The following CCDC68 variants were observed in gnomAD, a reference collection of about 807,000 sequenced individuals.
CCDC68 encodes coiled-coil domain-containing protein 68.
A neutral mutation model predicts 47.1 loss-of-function variants in CCDC68; 45 were observed. That is an observed-to-expected ratio of 0.96 (90% CI 0.75 to 1.23). The LOEUF (loss-of-function observed/expected upper bound fraction) is 1.23, where lower values mean the gene tolerates loss of function less well. Ranked by LOEUF, CCDC68 falls within the 50% of genes most tolerant of loss-of-function variation. The probability of loss-of-function intolerance (pLI) is 0.00; values close to 1 mark genes in which losing one functional copy is unlikely to be tolerated. For missense variants in CCDC68, 353 were observed against 373.6 expected, an observed-to-expected ratio of 0.94 and a Z score of 0.45; for synonymous variants, 131 against 129.5, an observed-to-expected ratio of 1.01 and a Z score of -0.08.
chr18:54,930,018 C>T (rs1296122470), intron 7 of CCDC68, among the ~76,000 whole-genome samples: 2 of 152,092 alleles, frequency 1.3e-5, no homozygotes, highest in African/African-American at 4.8e-5. Context: ...TTCATTAGAG[C>T]CCTGAGTCTG....
At chr18:54,926,523 T>C (rs2044147731) in intron 8 of CCDC68, among the ~76,000 whole-genome samples, 1 of 152,178 alleles carries the variant, frequency 6.6e-6, no homozygotes, top group South Asian at 2.1e-4. Context: ...TTCAAGATTC[T>C]CATCTTTTCG....
intron 7 of CCDC68, among the ~76,000 whole-genome samples, chr18:54,930,834 T>C (rs1418698841): frequency 1.3e-5 from 2 of 151,340 alleles, no homozygotes; most frequent in Admixed American, 1.3e-4. Context: ...TTCTCCTGCC[T>C]CAGCCTCCCG....
intron 10 of CCDC68, among the ~76,000 whole-genome samples, chr18:54,913,665 T>C (rs1914493680): frequency 1.3e-5 from 2 of 151,758 alleles, no homozygotes; most frequent in South Asian, 4.2e-4. Context: ...TGTTATAAAT[T>C]AGCCAGATAT....
chr18:54,956,016 G>A (rs182749998), intron 1 of CCDC68, among the ~76,000 whole-genome samples: 157 of 151,966 alleles, frequency 1.0e-3, no homozygotes, highest in African/African-American at 3.7e-3. Context: ...GTTCAGACGA[G>A]TCTTGCTCTG....
chr18:54,909,735 T>C (rs1156601267), intron 10 of CCDC68, among the ~76,000 whole-genome samples: 1 of 152,232 alleles, frequency 6.6e-6, no homozygotes, highest in Non-Finnish European at 1.5e-5. Flanking sequence ...TCTGCGAGGC[T>C]GCGGCTAGAC....
chr18:54,935,401 T>C (rs2044327240), intron 6 of CCDC68, among the ~76,000 whole-genome samples: 1 of 152,232 alleles, frequency 6.6e-6, no homozygotes. Flanking sequence ...GGGGTTGTTC[T>C]GAACCATCAT....
chr18:54,921,562 G>A (rs2044060928), intron 8 of CCDC68, among the ~76,000 whole-genome samples: 1 of 152,166 alleles, frequency 6.6e-6, no homozygotes, highest in Non-Finnish European at 1.5e-5. Context: ...ATTGGTGAGG[G>A]GAGTGAAGCA....
chr18:54,948,737 G>A (rs558168834), intron 1 of CCDC68, among the ~76,000 whole-genome samples: 3 of 142,900 alleles, frequency 2.1e-5, no homozygotes, highest in Admixed American at 7.3e-5. Flanking sequence ...TTAAACAAAC[G>A]AGTAAATATA....
chr18:54,919,130 C>T, intron 9 of CCDC68, 141 bp downstream of exon 9: 2 of 651,450 alleles, frequency 3.1e-6, no homozygotes, highest in Non-Finnish European at 2.8e-6. Context: ...AAAACAGAGA[C>T]ATATTGCATG....
rs890040248 is a variant in CCDC68, at chr18:54,940,339, A to G, written c.204+658T>C. ...TTAATCTTCCCTATCATTCCTAAACATAACCTTGTTTTCTAGTTTAGAAGT... is the reference window on the plus strand; with the variant it reads ...TTAATCTTCCCTATCATTCCTAAACGTAACCTTGTTTTCTAGTTTAGAAGT... On this transcript the variant is annotated intron_variant, in intron 4 of 11. Coordinates refer to ENST00000591504, the MANE Select transcript of CCDC68 (RefSeq NM_025214.3). Among the ~76,000 whole-genome samples, 11 of 152,314 alleles carry G rather than the reference A, an allele frequency of 7.2e-5. No homozygotes were observed. In the East Asian group the frequency reaches 1.5e-3, roughly 21 times the overall value.
intron 7 of CCDC68, 131 bp from the exon 8 acceptor site, chr18:54,929,013 A>G (rs2044197236): frequency 1.6e-6 from 1 of 632,970 alleles, no homozygotes; most frequent in South Asian, 2.0e-5. Flanking sequence ...CCTCATCTTC[A>G]AGGAAACCTG....
chr18:54,923,321 G>GA (rs2044092733), intron 8 of CCDC68, among the ~76,000 whole-genome samples: 1 of 151,854 alleles, frequency 6.6e-6, no homozygotes, highest in Admixed American at 6.6e-5. Context: ...GAACCAATGG[G>GA]AAAAAAAGAT....
chr18:54,905,792 T>C (rs1913969460), intron 11 of CCDC68, among the ~76,000 whole-genome samples: 1 of 152,142 alleles, frequency 6.6e-6, no homozygotes, highest in East Asian at 1.9e-4. Flanking sequence ...AGGTGAGCAG[T>C]GGGCAAGAGG....
intron 8 of CCDC68, among the ~76,000 whole-genome samples, chr18:54,927,189 T>A (rs1443968329): frequency 6.6e-6 from 1 of 152,180 alleles, no homozygotes; most frequent in Non-Finnish European, 1.5e-5. Flanking sequence ...GACAAAGTAA[T>A]AAGTCATCAC....
chr18:54,941,659 G>T (rs1317216190), intron 3 of CCDC68, among the ~76,000 whole-genome samples: 1 of 152,072 alleles, frequency 6.6e-6, no homozygotes, highest in Non-Finnish European at 1.5e-5. Context: ...GCCAGAATTT[G>T]TCCATTATTT....
chr18:54,909,768 C>T (rs998546991), intron 10 of CCDC68, among the ~76,000 whole-genome samples: 2 of 152,236 alleles, frequency 1.3e-5, no homozygotes, highest in Admixed American at 6.5e-5. Flanking sequence ...AAGCAGCTTC[C>T]ACAGCTGGCA....
intron 4 of CCDC68, 73 bp from the exon 5 acceptor site, chr18:54,938,170 T>C (rs1391838254): frequency 3.4e-6 from 5 of 1,458,572 alleles, no homozygotes; most frequent in African/African-American, 2.8e-5. Flanking sequence ...ATAATGATCA[T>C]TTAGTATTAC....
intron 6 of CCDC68, among the ~76,000 whole-genome samples, chr18:54,936,194 ATAAT>A (rs1232932452): frequency 3.5e-5 from 5 of 143,980 alleles, no homozygotes; most frequent in African/African-American, 1.3e-4. Flanking sequence ...ATAAATATAT[ATAAT>A]TATTTATATA....
chr18:54,909,829 GC>G (rs1471040311), intron 10 of CCDC68, among the ~76,000 whole-genome samples: 2 of 152,256 alleles, frequency 1.3e-5, no homozygotes. Flanking sequence ...GAACCGCAAG[GC>G]CCCAAAGAGA....
Sources: allele counts gnomAD v4.1 joint callset (sites outside exome capture counted in the v4.1 genomes callset), GRCh38; gene constraint gnomAD v4.1.1; transcripts MANE v1.5; gene names NCBI Gene and HGNC (gene_info 2026-07-23, HGNC 2026-07-21).